Variants in SLIT3 observed in about 807,000 individuals in gnomAD.
SLIT3 encodes slit homolog 3 protein.
In SLIT3, 68 loss-of-function variants were observed where a neutral mutation model predicts 184.0. The observed-to-expected ratio is 0.37, with a 90% CI of 0.30 to 0.45. SLIT3 has a LOEUF of 0.45. SLIT3 is among the 20% of genes least tolerant of loss of function. SLIT3 has a pLI of 1.00. For synonymous variants in SLIT3, 831 were observed against 828.6 expected (o/e 1.00, Z -0.05); for missense variants, 1,707 against 2,026.0 (o/e 0.84, Z 3.02).
chr5:168,892,664 AACC>A (rs2113810930), intron 4 of SLIT3, among the ~76,000 whole-genome samples: 1 of 152,342 alleles, frequency 6.6e-6, no homozygotes, highest in African/African-American at 2.4e-5. Flanking sequence ...AGTTTTTCCA[AACC>A]ACCACTCTTC....
chr5:168,910,668 C>T (rs1314596685), intron 4 of SLIT3, among the ~76,000 whole-genome samples: 3 of 151,396 alleles, frequency 2.0e-5, no homozygotes, highest in Admixed American at 1.3e-4. Flanking sequence ...ATGGCGTGAA[C>T]CTGGGAGGCG....
intron 9 of SLIT3, among the ~76,000 whole-genome samples, chr5:168,798,250 G>A (rs1342339723): frequency 1.1e-5 from 1 of 92,162 alleles, no homozygotes; most frequent in Non-Finnish European, 2.0e-5. Flanking sequence ...AAGAGACAGA[G>A]TCTTGCTCTG....
At chr5:168,823,133 G>A in intron 7 of SLIT3, 127 bp downstream of exon 7, 1 of 812,084 alleles carries the variant, frequency 1.2e-6, no homozygotes, top group South Asian at 1.4e-5. Context: ...ATAGCAGAAG[G>A]AGGAATTTGA....
At chr5:169,026,095 T>C (rs2113506968) in intron 4 of SLIT3, among the ~76,000 whole-genome samples, 1 of 152,294 alleles carries the variant, frequency 6.6e-6, no homozygotes, top group South Asian at 2.1e-4. Flanking sequence ...GGGGAATTTA[T>C]GAAAATGACT....
chr5:169,132,467 C>T (rs560875781), intron 4 of SLIT3, among the ~76,000 whole-genome samples: 2 of 152,198 alleles, frequency 1.3e-5, no homozygotes, highest in South Asian at 2.1e-4. Flanking sequence ...ACATGGTCCA[C>T]GTGCCACCAA....
chr5:168,995,965 C>T (rs1755494513), intron 4 of SLIT3, among the ~76,000 whole-genome samples: 1 of 152,190 alleles, frequency 6.6e-6, no homozygotes, highest in Admixed American at 6.5e-5. Context: ...CTTGACCAAC[C>T]GTGAGTAACC....
intron 4 of SLIT3, among the ~76,000 whole-genome samples, chr5:169,075,764 TG>T (rs1758714318): frequency 1.3e-5 from 2 of 152,246 alleles, no homozygotes; most frequent in African/African-American, 4.8e-5. Context: ...CTACATGATC[TG>T]GCTCTTCTGT....
chr5:169,170,498 T>C (rs952415683), intron 4 of SLIT3, among the ~76,000 whole-genome samples: 13 of 152,178 alleles, frequency 8.5e-5, no homozygotes, highest in Admixed American at 3.9e-4. Context: ...TGTTGGGGAA[T>C]GAAGACGGTT....
chr5:168,799,475 G>A (rs535197899), intron 9 of SLIT3, among the ~76,000 whole-genome samples: 1 of 152,326 alleles, frequency 6.6e-6, no homozygotes, highest in South Asian at 2.1e-4. Context: ...ACATCTGATG[G>A]GGATTTCAGC....
rs550193122 is a variant in SLIT3 at position 168,783,268 on chromosome 5, G to A, written c.1151+2639C>T. Among the ~76,000 whole-genome samples the A allele has an allele frequency of 4.6e-4, 43 of 93,742 alleles. No homozygotes were observed. The South Asian group carries it at 0.012, about 26-fold the overall frequency. 61.5% of individuals were successfully genotyped at this position (93,742 alleles called of 152,430 possible). On this transcript the variant is annotated intron_variant, in intron 12 of 35. Coordinates refer to ENST00000519560, the MANE Select transcript of SLIT3 (RefSeq NM_003062.4). ...CTTGTTCCTTGTGGATGCACTTGCC[G>A]CAGCCTCTAAAAAAACGGAGACATT...
chr5:168,786,753 G>C (rs1002585252), intron 11 of SLIT3, among the ~76,000 whole-genome samples: 15 of 152,218 alleles, frequency 9.9e-5, no homozygotes, highest in African/African-American at 3.4e-4. Context: ...GTGCTCAGGG[G>C]CGTCTTTATG....
chr5:169,250,158 C>T (rs760715211), intron 2 of SLIT3, among the ~76,000 whole-genome samples: 1 of 152,182 alleles, frequency 6.6e-6, no homozygotes, highest in African/African-American at 2.4e-5. Context: ...TTAACCTATC[C>T]GCACCTCTGG....
At chr5:168,991,931 C>T (rs1290018878) in intron 4 of SLIT3, among the ~76,000 whole-genome samples, 2 of 152,204 alleles carry the variant, frequency 1.3e-5, no homozygotes, top group East Asian at 3.9e-4. Flanking sequence ...CTTTCAGGGC[C>T]GGAGAGGCCC....
rs1400803605 is a variant in SLIT3, at chr5:168,663,080, G to A, written c.*3374C>T. 6.6e-6 allele frequency: 1 copy of A among 152,294 alleles called. No homozygotes were observed. Among genetic ancestry groups the A allele is most frequent in the Non-Finnish European group, 1.5e-5 (1 of 68,150 alleles). 9.4% of individuals were successfully genotyped at this position (152,294 alleles called of 1,614,324 possible). On this transcript the variant is annotated 3_prime_UTR_variant, in exon 36 of 36. Coordinates refer to ENST00000519560, the MANE Select transcript of SLIT3 (RefSeq NM_003062.4). The stretch of plus-strand genomic sequence containing the variant: ...TTGATGGGGGCTGGATTCAGGATTG[G>A]GCCCAGGGTGATGAGCAGAGGGAGG...
At chr5:169,233,057 C>T (rs960865988) in intron 3 of SLIT3, among the ~76,000 whole-genome samples, 5 of 152,164 alleles carry the variant, frequency 3.3e-5, no homozygotes, top group South Asian at 2.1e-4. Flanking sequence ...GATAGAGTCT[C>T]GCTCTGTCAC....
chr5:169,191,049 G>A (rs2113464863), intron 4 of SLIT3, among the ~76,000 whole-genome samples: 1 of 152,282 alleles, frequency 6.6e-6, no homozygotes, highest in Middle Eastern at 3.4e-3. Context: ...TGTCATAATA[G>A]GGCACATAGA....
At chr5:169,263,582 G>C in intron 1 of SLIT3, 1 of 467,934 alleles carries the variant, frequency 2.1e-6, no homozygotes, top group Non-Finnish European at 4.3e-6. Context: ...CTGTTGTAAG[G>C]CACCCAGTTT....
intron 4 of SLIT3, among the ~76,000 whole-genome samples, chr5:168,973,333 T>C (rs9313438): frequency 0.57 from 86,745 of 152,044 alleles, 26,775 homozygotes; most frequent in African/African-American, 0.82. Context: ...CTGCAACCTC[T>C]GCCTCCCGGG....
chr5:168,674,265 C>G (rs1761340785), intron 32 of SLIT3, among the ~76,000 whole-genome samples: 1 of 152,104 alleles, frequency 6.6e-6, no homozygotes, highest in Non-Finnish European at 1.5e-5. Flanking sequence ...TAAGGCACCA[C>G]AGTTGGTAAG....
Sources: gnomAD v4.1 joint callset for allele counts (sites outside exome capture counted in the v4.1 genomes callset) on GRCh38, gnomAD v4.1.1 for gene constraint, MANE v1.5 for transcripts, NCBI Gene and HGNC (gene_info 2026-07-23, HGNC 2026-07-21) for gene names.